LAMA4: variants seen among roughly 807,000 people sequenced by gnomAD.
LAMA4 encodes the protein laminin subunit alpha 4, also known as laminin subunit alpha-4.
LAMA4 carries 127 observed loss-of-function variants against 207.1 expected under a neutral mutation model. The observed-to-expected ratio is 0.61, with a 90% CI of 0.53 to 0.71. The LOEUF (loss-of-function observed/expected upper bound fraction) is 0.71, where lower values mean the gene tolerates loss of function less well. Ranked by LOEUF, LAMA4 falls within the 30% of genes least tolerant of loss-of-function variation. The pLI is 0.00. For missense variants in LAMA4, 2,093 were observed against 2,246.5 expected (o/e 0.93, Z 1.38); for synonymous variants, 761 against 816.0 (o/e 0.93, Z 1.15).
intron 31 of LAMA4, among the ~76,000 whole-genome samples, chr6:112,126,484 G>T (rs1778696908): frequency 6.6e-6 from 1 of 152,180 alleles, no homozygotes; most frequent in Non-Finnish European, 1.5e-5. Context: ...CTCAGGAAGA[G>T]ATCCTAAGAA....
intron 4 of LAMA4, among the ~76,000 whole-genome samples, chr6:112,206,663 A>G (rs1431741686): frequency 1.3e-5 from 2 of 152,164 alleles, no homozygotes; most frequent in Non-Finnish European, 2.9e-5. Flanking sequence ...AATATTACTG[A>G]AAATATGATA....
intron 17 of LAMA4, among the ~76,000 whole-genome samples, chr6:112,150,202 GACACACACAC>G (rs68144829): frequency 1.1e-4 from 16 of 143,452 alleles, no homozygotes; most frequent in South Asian, 4.5e-4. Context: ...CCCATTAAAA[GACACACACAC>G]ACACACACAC....
At chr6:112,200,173 G>A (rs782446272) in intron 5 of LAMA4, 2 of 533,066 alleles carry the variant, frequency 3.8e-6, no homozygotes, top group Admixed American at 3.9e-5. Context: ...CTGTGGAGAA[G>A]GCCTTTCTTA....
Position 112,154,849 on chromosome 6 carries a change from A to ACTAGACT in LAMA4, c.2051_2056+1dup. On this transcript the variant is annotated splice_donor_variant, in intron 16 of 38. Coordinates refer to ENST00000230538, the MANE Select transcript of LAMA4 (RefSeq NM_001105206.3). LOFTEE classifies it high-confidence loss of function. ...AGGAGATAGGAAAGTGAAGATATTT[A>ACTAGACT]CTAGACTCTGCCTTTGCTTGCAGTT... 6.4e-7 allele frequency: 1 copy of ACTAGACT among 1,571,858 alleles called. No individual in the cohort carries two copies. The highest frequency in any genetic ancestry group is 8.8e-7 in the Non-Finnish European group (1 of 1,141,534).
chr6:112,119,302 T>A lies in LAMA4; in HGVS notation c.4675A>T (p.Ile1559Phe). ...AGTCGGCCACTGCTCCTTTCTCGAATAAATATCACCTGGATGAAGAGAAGG... is the reference window on the plus strand; with the variant it reads ...AGTCGGCCACTGCTCCTTTCTCGAAAAAATATCACCTGGATGAAGAGAAGG... ...NDGLWHDVIF[I>F]RERSSGRLVI... Residue 1559 changes from isoleucine (I) to phenylalanine (F), a missense_variant, in exon 34 of 39, where the codon ATT (isoleucine) becomes TTT (phenylalanine). Physicochemically the swap from Ile to Phe is conservative, Grantham distance 21. Coordinates refer to ENST00000230538, the MANE Select transcript of LAMA4 (RefSeq NM_001105206.3). 1.2e-6 allele frequency: 2 copies of A among 1,613,888 alleles called. No homozygotes were observed. Among genetic ancestry groups the A allele is most frequent in the Non-Finnish European group, 1.7e-6 (2 of 1,179,896 alleles).
intron 14 of LAMA4, among the ~76,000 whole-genome samples, chr6:112,156,237 C>A (rs1156302338): frequency 6.6e-6 from 1 of 152,104 alleles, no homozygotes; most frequent in South Asian, 2.1e-4. Flanking sequence ...AGCCCACCCT[C>A]ACCCCTGCCC....
intron 2 of LAMA4, among the ~76,000 whole-genome samples, chr6:112,249,053 G>A (rs913533890): frequency 4.1e-4 from 62 of 152,262 alleles, no homozygotes; most frequent in Middle Eastern, 3.4e-3. Context: ...TAGGCTAGAC[G>A]GAGAAGGGAA....
chr6:112,170,915 A>G (rs915069754), intron 12 of LAMA4, among the ~76,000 whole-genome samples: 23 of 152,204 alleles, frequency 1.5e-4, no homozygotes, highest in African/African-American at 5.5e-4. Context: ...AGCGGTTTCC[A>G]TTCCAGGCAG....
chr6:112,135,824 C>G (rs992571696), intron 25 of LAMA4: 2 of 361,530 alleles, frequency 5.5e-6, no homozygotes, highest in African/African-American at 2.1e-5. Context: ...ATAGAAGTAT[C>G]CTGTAGGAAT....
At chr6:112,172,344 C>A in intron 12 of LAMA4, 1 of 423,132 alleles carries the variant, frequency 2.4e-6, no homozygotes, top group Non-Finnish European at 4.3e-6. Context: ...TACCCACTTG[C>A]AAGAATAACA....
At chr6:112,230,125 C>G (rs1282322100) in intron 2 of LAMA4, among the ~76,000 whole-genome samples, 1 of 152,018 alleles carries the variant, frequency 6.6e-6, no homozygotes, top group Non-Finnish European at 1.5e-5. Context: ...TACTTTTTGC[C>G]ATTTTAAGAA....
chr6:112,208,669 G>A (rs1041965978), intron 3 of LAMA4, among the ~76,000 whole-genome samples: 1 of 152,110 alleles, frequency 6.6e-6, no homozygotes, highest in African/African-American at 2.4e-5. Context: ...GCATTAGAAG[G>A]CATCAGTGTT....
rs1267621510 is a variant in LAMA4 at position 112,139,939 on chromosome 6, C to A, written c.2977-54G>T. 12 of 1,567,592 alleles carry A rather than the reference C, an allele frequency of 7.7e-6. No individual in the cohort carries two copies. The Middle Eastern group carries it at 5.0e-4, about 65-fold the overall frequency. ...GTCTCATGGTCATATTTTACTCAGA[C>A]ATCACAGAACAGACAATGCAACTAA... is the stretch of plus-strand genomic sequence containing the variant. On this transcript the variant is annotated intron_variant, in intron 22 of 38. Transcript: ENST00000230538.
intron 2 of LAMA4, among the ~76,000 whole-genome samples, chr6:112,247,794 T>G (rs1049349319): frequency 4.6e-5 from 7 of 152,076 alleles, no homozygotes; most frequent in Non-Finnish European, 5.9e-5. Flanking sequence ...ACAGCAATAT[T>G]CATAGCAGCA....
At chr6:112,204,135 C>CA (rs1173760042) in intron 4 of LAMA4, among the ~76,000 whole-genome samples, 1 of 152,164 alleles carries the variant, frequency 6.6e-6, no homozygotes, top group African/African-American at 2.4e-5. Context: ...CTAGGAGTTT[C>CA]AAAACACTGC....
Position 112,119,275 on chromosome 6 carries a change from C to T in LAMA4, c.4702G>A (p.Val1568Ile). ...FIRERSSGRL[V>I]IDGLRVLEES... ...TCTAGGACTCGGAGACCATCAATTA[C>T]CAGTCGGCCACTGCTCCTTTCTCGA... Residue 1568 changes from valine to isoleucine, a missense_variant, in exon 34 of 39, where the codon GTA becomes ATA. Coordinates refer to ENST00000230538, the MANE Select transcript of LAMA4 (RefSeq NM_001105206.3). The T allele has an allele frequency of 6.2e-7, 1 of 1,614,034 alleles. No homozygotes were observed. The highest frequency in any genetic ancestry group is 8.5e-7 in the Non-Finnish European group (1 of 1,179,920).
At chr6:112,160,590 G>A (rs1780997029) in intron 13 of LAMA4, among the ~76,000 whole-genome samples, 5 of 152,180 alleles carry the variant, frequency 3.3e-5, no homozygotes, top group Admixed American at 3.3e-4. Context: ...AGATCCACTT[G>A]ACATTTTCCC....
In LAMA4 at chr6:112,144,900, A is replaced by G; in HGVS notation, c.2387T>C (p.Leu796Pro). Reference sequence around the variant, plus strand: ...CTGCTCAACCGTACGAAGCTGATCCAGGAGCTGAGGGACAACCTCGGTCAG... The same window carrying G: ...CTGCTCAACCGTACGAAGCTGATCCGGGAGCTGAGGGACAACCTCGGTCAG... ...RNLTEVVPQL[L>P]DQLRTVEQKR... Residue 796 changes from leucine (L) to proline (P), a missense_variant, in exon 19 of 39, where the codon CTG becomes CCG. Coordinates refer to ENST00000230538, the MANE Select transcript of LAMA4 (RefSeq NM_001105206.3). 1 of 1,614,058 alleles carries G rather than the reference A, an allele frequency of 6.2e-7. No individual in the cohort carries two copies. The highest frequency in any genetic ancestry group is 8.5e-7 in the Non-Finnish European group (1 of 1,179,998).
At chr6:112,147,523 T>C (rs1780102389) in intron 18 of LAMA4, among the ~76,000 whole-genome samples, 1 of 152,188 alleles carries the variant, frequency 6.6e-6, no homozygotes, top group Non-Finnish European at 1.5e-5. Flanking sequence ...TAAGAAGTTA[T>C]GAAGGGATTG....
Sources: gnomAD v4.1 joint callset for allele counts (sites outside exome capture counted in the v4.1 genomes callset) on GRCh38, gnomAD v4.1.1 for gene constraint, MANE v1.5 for transcripts, NCBI Gene and HGNC (gene_info 2026-07-23, HGNC 2026-07-21) for gene names.